Variants in SLC29A4 observed in about 807,000 individuals in gnomAD.
The protein encoded by SLC29A4 is equilibrative nucleoside transporter 4.
Under a neutral mutation model 43.9 loss-of-function variants are expected in SLC29A4, and 36 were observed. The ratio of observed to expected loss-of-function variants is 0.82; its 90% CI spans 0.63 to 1.08. The LOEUF (loss-of-function observed/expected upper bound fraction) is 1.08. SLC29A4 is among the 50% of genes least tolerant of loss of function. SLC29A4 has a pLI of 0.00. For missense variants in SLC29A4, 869 were observed against 755.3 expected (o/e 1.15, Z -1.77); for synonymous variants, 491 against 338.0 (o/e 1.45, Z -4.97).
intron 1 of SLC29A4, among the ~76,000 whole-genome samples, chr7:5,284,483 C>A (rs1224831868): frequency 6.6e-6 from 1 of 152,230 alleles, no homozygotes; most frequent in Non-Finnish European, 1.5e-5. Flanking sequence ...TCAAGGGCCC[C>A]CTGGGTCAGG....
At chr7:5,284,899 G>A (rs1784859214) in intron 1 of SLC29A4, among the ~76,000 whole-genome samples, 1 of 152,200 alleles carries the variant, frequency 6.6e-6, no homozygotes, top group East Asian at 1.9e-4. Context: ...CGGCTTTCTG[G>A]CCAGGAGTGT....
intron 1 of SLC29A4, among the ~76,000 whole-genome samples, chr7:5,284,730 C>T (rs1228257432): frequency 1.3e-5 from 2 of 152,162 alleles, no homozygotes; most frequent in Admixed American, 6.5e-5. Flanking sequence ...GGTCCCCACC[C>T]CCTCCACCAT....
chr7:5,286,538 A>G (rs1016141609), intron 1 of SLC29A4, among the ~76,000 whole-genome samples: 14 of 140,488 alleles, frequency 1.0e-4, no homozygotes, highest in African/African-American at 4.0e-4. Context: ...AAAAAAAGAA[A>G]AAAGAAAAAA....
At chr7:5,293,160 CT>C (rs1785422336) in intron 5 of SLC29A4, among the ~76,000 whole-genome samples, 3 of 138,850 alleles carry the variant, frequency 2.2e-5, no homozygotes, top group African/African-American at 8.4e-5. Context: ...TCTTTTTTTT[CT>C]CTTTTTTTTT....
chr7:5,296,427 G>GC lies in SLC29A4; in HGVS notation c.620-508dup, dbSNP rs1488417525. On this transcript the variant is annotated intron_variant, in intron 6 of 10. Transcript: ENST00000396872. ...CGGGGTGGGGCTGCTGTGAGGGGCA[G>GC]CTCCTCTTGTGGCTGGGGCGGAGCT... 2.7e-5 allele frequency among the ~76,000 whole-genome samples: 4 copies of GC among 148,434 alleles called. No individual in the cohort carries two copies. The South Asian group carries it at 8.7e-4, about 32-fold the overall frequency.
In SLC29A4 at chr7:5,283,551, G is replaced by A. The variant is rs891686521; in HGVS notation, c.-9+469G>A. Reference sequence around the variant, plus strand: ...GCGAGCCAACTTTGCGGCTGATGAGGCCGGACAGGCGGCAGAAAGGCGCGG... The same window carrying A: ...GCGAGCCAACTTTGCGGCTGATGAGACCGGACAGGCGGCAGAAAGGCGCGG... On this transcript the variant is annotated intron_variant, in intron 1 of 10. Transcript: ENST00000396872. Among the ~76,000 whole-genome samples the A allele has an allele frequency of 2.0e-5, 3 of 152,284 alleles. No homozygotes were observed. The South Asian group carries it at 6.2e-4, about 32-fold the overall frequency.
In SLC29A4 at chr7:5,300,419, C is replaced by T. The variant is rs747603958; in HGVS notation, c.1210-3C>T. Reference sequence around the variant, plus strand: ...GGGCGCCCACTTGCCTGGCTCTCTGCAGATCCTGGCAGCCCTGCCCGTGGA... The same window carrying T: ...GGGCGCCCACTTGCCTGGCTCTCTGTAGATCCTGGCAGCCCTGCCCGTGGA... On this transcript the variant is annotated splice_polypyrimidine_tract_variant and splice_region_variant and intron_variant, in intron 9 of 10. Transcript: ENST00000396872. 12 of 1,611,196 alleles carry T rather than the reference C, an allele frequency of 7.4e-6. No homozygotes were observed. The highest frequency in any genetic ancestry group is 1.1e-5 in the South Asian group (1 of 90,974).
chr7:5,296,923 G>A lies in SLC29A4; in HGVS notation c.620-13G>A. 4 of 1,582,482 alleles carry A rather than the reference G, an allele frequency of 2.5e-6. No homozygotes were observed. The highest frequency in any genetic ancestry group is 3.4e-6 in the Non-Finnish European group (4 of 1,172,180). On this transcript the variant is annotated splice_polypyrimidine_tract_variant and intron_variant, in intron 6 of 10. Coordinates refer to ENST00000396872, the MANE Select transcript of SLC29A4 (RefSeq NM_153247.4). ...GGCGGATCAGGCCCCGGCCCACTGT[G>A]CACGCCCCCCAGGCACGGCGGGCGT...
chr7:5,285,917 G>A (rs1303397583), intron 1 of SLC29A4, among the ~76,000 whole-genome samples: 1 of 152,158 alleles, frequency 6.6e-6, no homozygotes, highest in East Asian at 1.9e-4. Flanking sequence ...GACTGAGGTG[G>A]GAGGATCACT....
chr7:5,299,232 C>T lies in SLC29A4; in HGVS notation c.1022-8C>T, dbSNP rs757942880. ...CGCTGCCTCTGACCCCCGCCCGCCA[C>T]CCTCCAGCCCTGTTACTGCACCGCT... On this transcript the variant is annotated splice_polypyrimidine_tract_variant and splice_region_variant and intron_variant, in intron 8 of 10. Coordinates refer to ENST00000396872, the MANE Select transcript of SLC29A4 (RefSeq NM_153247.4). 98 of 1,607,710 alleles carry T rather than the reference C, an allele frequency of 6.1e-5. No homozygotes were observed. The highest frequency in any genetic ancestry group is 1.3e-4 in the African/African-American group (10 of 74,818).
intron 10 of SLC29A4, among the ~76,000 whole-genome samples, chr7:5,301,261 G>GA (rs369876573): frequency 0.26 from 38,491 of 145,860 alleles, 5,729 homozygotes; most frequent in South Asian, 0.54. Context: ...TCCTGTCTGG[G>GA]GAAAAAAAAA....
chr7:5,302,757 C>T (rs3892745), intron 10 of SLC29A4, 40 bp from the exon 11 acceptor site: 114,475 of 1,528,352 alleles, frequency 0.075, 4,654 homozygotes, highest in African/African-American at 0.11. Flanking sequence ...ACCAGGTGGC[C>T]GCCCTGGCCC....
chr7:5,288,036 C>CTG (rs763397925), intron 2 of SLC29A4, 51 bp downstream of exon 2: 1 of 1,549,162 alleles, frequency 6.5e-7, no homozygotes, highest in Non-Finnish European at 8.7e-7. Flanking sequence ...GCAGGCTGGG[C>CTG]TGTGTGACCC....
At chr7:5,286,295 C>T (rs1292163625) in intron 1 of SLC29A4, among the ~76,000 whole-genome samples, 6 of 152,026 alleles carry the variant, frequency 3.9e-5, no homozygotes, top group East Asian at 1.9e-4. Context: ...GAGGCCGAGG[C>T]GGGCAGATCA....
rs1786058222 is a variant in SLC29A4, at chr7:5,300,415, T to C, written c.1210-7T>C. The C allele has an allele frequency of 1.2e-6, 2 of 1,610,990 alleles. No homozygotes were observed. The highest frequency in any genetic ancestry group is 3.3e-5 in the Admixed American group (2 of 59,942). On this transcript the variant is annotated splice_polypyrimidine_tract_variant and splice_region_variant and intron_variant, in intron 9 of 10. Transcript: ENST00000396872. Reference sequence around the variant, plus strand: ...GACAGGGCGCCCACTTGCCTGGCTCTCTGCAGATCCTGGCAGCCCTGCCCG... The same window carrying C: ...GACAGGGCGCCCACTTGCCTGGCTCCCTGCAGATCCTGGCAGCCCTGCCCG...
chr7:5,289,749 T>C (rs979405652), intron 2 of SLC29A4, among the ~76,000 whole-genome samples: 97 of 151,698 alleles, frequency 6.4e-4, no homozygotes, highest in African/African-American at 2.2e-3. Flanking sequence ...CCATGCCTCC[T>C]CTCCAGATAA....
rs756037855 is a variant in SLC29A4, at chr7:5,302,816, C to G, written c.1470C>G (p.Ser490=). The G allele has an allele frequency of 4.5e-6, 7 of 1,565,154 alleles. No individual in the cohort carries two copies. The highest frequency in any genetic ancestry group is 6.1e-6 in the Non-Finnish European group (7 of 1,155,120). Residue 490 remains serine (S), a synonymous_variant, in exon 11 of 11, where the codon TCC becomes TCG. Coordinates refer to ENST00000396872, the MANE Select transcript of SLC29A4 (RefSeq NM_153247.4). Reference sequence around the variant, plus strand: ...CCACAGGGAACACCATGACCGTGTCCTACATGTCAGGGCTGACGCTGGGGT... The same window carrying G: ...CCACAGGGAACACCATGACCGTGTCGTACATGTCAGGGCTGACGCTGGGGT... ...RELAGNTMTV[S]YMSGLTLGSA...
At position 5,300,508 on chromosome 7, in the gene SLC29A4, C is replaced by T. The variant is rs768330293; in HGVS notation, c.1296C>T (p.Ile432=). 20 of 1,612,132 alleles carry T rather than the reference C, an allele frequency of 1.2e-5. No individual in the cohort carries two copies. Among genetic ancestry groups the T allele is most frequent in the Non-Finnish European group, 1.5e-5 (18 of 1,179,782 alleles). Residue 432 remains isoleucine, a synonymous_variant, in exon 10 of 11, where the codon ATC becomes ATT. Coordinates refer to ENST00000396872, the MANE Select transcript of SLC29A4 (RefSeq NM_153247.4). The part of the protein sequence containing the change: ...CLRVVFIPLF[I]LCVYPSGMPA... ...GTGTGGTCTTCATCCCCCTCTTCAT[C>T]CTGTGCGTCTACCCCAGCGGCATGC...
chr7:5,291,825 G>A lies in SLC29A4; in HGVS notation c.544+4G>A, dbSNP rs1440236792. The A allele has an allele frequency of 6.2e-7, 1 of 1,610,448 alleles. No homozygotes were observed. Among genetic ancestry groups the A allele is most frequent in the Non-Finnish European group, 8.5e-7 (1 of 1,178,926 alleles). On this transcript the variant is annotated splice_donor_region_variant and intron_variant, in intron 5 of 10. Coordinates refer to ENST00000396872, the MANE Select transcript of SLC29A4 (RefSeq NM_153247.4). ...ACCGTGGCCTTCGGCTGCACAGGTA[G>A]GAACCGGGGCCCAAGGGGGAGGCCT...
Sources: allele counts gnomAD v4.1 joint callset (sites outside exome capture counted in the v4.1 genomes callset), GRCh38; gene constraint gnomAD v4.1.1; transcripts MANE v1.5; gene names NCBI Gene and HGNC (gene_info 2026-07-23, HGNC 2026-07-21).